The following ADCY8 variants were observed in gnomAD, a reference collection of about 807,000 sequenced individuals.
ADCY8 encodes the protein adenylate cyclase 8.
In ADCY8, 51 loss-of-function variants were observed where a neutral mutation model predicts 119.7. The observed-to-expected ratio is 0.43, with a 90% CI of 0.34 to 0.54. The LOEUF is 0.54. ADCY8 is among the 20% of genes least tolerant of loss of function. ADCY8 has a pLI of 0.03. For missense variants in ADCY8, 1,383 were observed against 1,598.8 expected (o/e 0.87, Z 2.30); for synonymous variants, 665 against 651.0 (o/e 1.02, Z -0.33).
intron 3 of ADCY8, among the ~76,000 whole-genome samples, chr8:130,946,364 C>T (rs1312185064): frequency 2.6e-5 from 4 of 152,158 alleles, no homozygotes; most frequent in South Asian, 4.1e-4. Flanking sequence ...CCAGGTCTTT[C>T]GATCCCACCA....
intron 3 of ADCY8, among the ~76,000 whole-genome samples, chr8:130,951,586 G>A (rs1170003160): frequency 6.6e-6 from 1 of 152,134 alleles, no homozygotes; most frequent in Non-Finnish European, 1.5e-5. Context: ...AGTCTAAAAG[G>A]TGTTTGCCTT....
chr8:130,850,063 A>C (rs1476921190), intron 9 of ADCY8, among the ~76,000 whole-genome samples: 1 of 151,908 alleles, frequency 6.6e-6, no homozygotes, highest in Non-Finnish European at 1.5e-5. Context: ...CCCTCTTATT[A>C]ATTTTTGTCA....
intron 2 of ADCY8, among the ~76,000 whole-genome samples, chr8:130,984,911 T>C (rs892865433): frequency 6.6e-6 from 1 of 152,006 alleles, no homozygotes; most frequent in Non-Finnish European, 1.5e-5. Flanking sequence ...ATGTTAGAGA[T>C]GCTGATGTGG....
intron 2 of ADCY8, among the ~76,000 whole-genome samples, chr8:130,954,654 A>C (rs558504317): frequency 1.3e-5 from 2 of 152,274 alleles, no homozygotes; most frequent in South Asian, 4.1e-4. Flanking sequence ...TAGCTCCATA[A>C]AACAGATTAT....
rs985780144 is a variant in ADCY8, at chr8:130,796,066, T to C, written c.3060+4360A>G. ...AATTACTCACCTCCCTCCCTCTGCC[T>C]CCCTGTAACTACTTTCCCCCAGCTT... On this transcript the variant is annotated intron_variant, in intron 15 of 17. Coordinates refer to ENST00000286355, the MANE Select transcript of ADCY8 (RefSeq NM_001115.3). Among the ~76,000 whole-genome samples the C allele has an allele frequency of 4.6e-5, 7 of 152,170 alleles. No homozygotes were observed. In the South Asian group the frequency reaches 1.5e-3, roughly 32 times the overall value.
chr8:131,024,483 G>A (rs1823765918), intron 1 of ADCY8, among the ~76,000 whole-genome samples: 1 of 152,186 alleles, frequency 6.6e-6, no homozygotes, highest in African/African-American at 2.4e-5. Context: ...GAAGATGAAT[G>A]TGCCAAAGTC....
intron 1 of ADCY8, among the ~76,000 whole-genome samples, chr8:131,010,503 T>C (rs1823265690): frequency 6.6e-6 from 1 of 151,716 alleles, no homozygotes; most frequent in Non-Finnish European, 1.5e-5. Context: ...AATTAAATAT[T>C]TGGGGAGAGA....
chr8:130,951,347 G>A (rs1821263878), intron 3 of ADCY8, among the ~76,000 whole-genome samples: 1 of 152,146 alleles, frequency 6.6e-6, no homozygotes, highest in Non-Finnish European at 1.5e-5. Context: ...GCACATAGAG[G>A]GCACTGATGC....
chr8:130,897,162 C>T (rs528331274), intron 7 of ADCY8, among the ~76,000 whole-genome samples: 24 of 152,172 alleles, frequency 1.6e-4, no homozygotes, highest in African/African-American at 5.5e-4. Flanking sequence ...TCACAAGACT[C>T]ACAGTCTACA....
chr8:130,781,403 T>C (rs986440307), intron 17 of ADCY8, among the ~76,000 whole-genome samples: 5 of 152,182 alleles, frequency 3.3e-5, no homozygotes, highest in African/African-American at 1.2e-4. Flanking sequence ...TCCCTTGAGC[T>C]CATCCTCCAC....
intron 9 of ADCY8, among the ~76,000 whole-genome samples, chr8:130,854,285 G>A (rs1443750067): frequency 6.6e-6 from 1 of 152,198 alleles, no homozygotes; most frequent in East Asian, 1.9e-4. Flanking sequence ...CTGAAATCGA[G>A]TCTCAAAAAG....
At chr8:130,822,340 T>A (rs1245609126) in intron 12 of ADCY8, among the ~76,000 whole-genome samples, 1 of 152,080 alleles carries the variant, frequency 6.6e-6, no homozygotes, top group Non-Finnish European at 1.5e-5. Context: ...GTCTCCAGTA[T>A]GGGGATAAAA....
chr8:131,036,791 C>A (rs1824169732), intron 1 of ADCY8, among the ~76,000 whole-genome samples: 1 of 151,856 alleles, frequency 6.6e-6, no homozygotes, highest in Non-Finnish European at 1.5e-5. Context: ...TGGAATATGG[C>A]AAAAATGAAT....
Position 130,786,763 on chromosome 8 carries a change from A to G in ADCY8, c.3061-1288T>C, listed in dbSNP as rs1208138756. 3.3e-5 allele frequency among the ~76,000 whole-genome samples: 5 copies of G among 152,344 alleles called. No homozygotes were observed. The East Asian group carries it at 9.6e-4, about 29-fold the overall frequency. The stretch of plus-strand genomic sequence containing the variant: ...TTTTAATAGAATTTATGTTGGAAAT[A>G]TACAGGGTAGAGGGATGAGGAGATC... On this transcript the variant is annotated intron_variant, in intron 15 of 17. Transcript: ENST00000286355.
At chr8:130,783,179 C>T (rs887723338) in intron 17 of ADCY8, among the ~76,000 whole-genome samples, 1 of 152,148 alleles carries the variant, frequency 6.6e-6, no homozygotes, top group Non-Finnish European at 1.5e-5. Flanking sequence ...TTGCTTTGTG[C>T]GGTGATGTCT....
intron 15 of ADCY8, among the ~76,000 whole-genome samples, chr8:130,785,915 G>T (rs893281054): frequency 3.3e-5 from 5 of 152,192 alleles, no homozygotes; most frequent in African/African-American, 1.2e-4. Context: ...CTGAGAACAA[G>T]CTCAGCCTGC....
At chr8:130,865,841 A>T (rs969527120) in intron 9 of ADCY8, among the ~76,000 whole-genome samples, 1 of 152,144 alleles carries the variant, frequency 6.6e-6, no homozygotes, top group Admixed American at 6.5e-5. Flanking sequence ...GAGGGAGATT[A>T]GATGATCAGT....
chr8:130,956,077 C>T (rs116670164), intron 2 of ADCY8, among the ~76,000 whole-genome samples: 1,800 of 152,154 alleles, frequency 0.012, 29 homozygotes, highest in African/African-American at 0.04. Context: ...CCAGGGAGGT[C>T]GAGACTGCAG....
intron 12 of ADCY8, among the ~76,000 whole-genome samples, chr8:130,831,312 A>C (rs118002845): frequency 0.013 from 1,933 of 152,342 alleles, 22 homozygotes; most frequent in Non-Finnish European, 0.02. Flanking sequence ...AGTGCTTACT[A>C]TATGAACATG....
Sources: gnomAD v4.1 joint callset for allele counts (sites outside exome capture counted in the v4.1 genomes callset) on GRCh38, gnomAD v4.1.1 for gene constraint, MANE v1.5 for transcripts, NCBI Gene and HGNC (gene_info 2026-07-23, HGNC 2026-07-21) for gene names.